The following RABGAP1L variants were observed in gnomAD, a reference collection of about 807,000 sequenced individuals.
RABGAP1L encodes RAB GTPase activating protein 1 like.
A neutral mutation model predicts 137.7 loss-of-function variants in RABGAP1L; 63 were observed. The ratio of observed to expected loss-of-function variants is 0.46; its 90% CI spans 0.37 to 0.56. The LOEUF is 0.56. Ranked by LOEUF, RABGAP1L falls within the 20% of genes least tolerant of loss-of-function variation. The probability of loss-of-function intolerance (pLI) is 0.00; values close to 1 mark genes in which losing one functional copy is unlikely to be tolerated. For synonymous variants in RABGAP1L, 431 were observed against 433.7 expected (o/e 0.99, Z 0.08); for missense variants, 1,095 against 1,244.0 (o/e 0.88, Z 1.80).
At chr1:174,969,459 C>A in intron 21 of RABGAP1L, 72 bp downstream of exon 21, 2 of 1,158,774 alleles carry the variant, frequency 1.7e-6, no homozygotes, top group Non-Finnish European at 2.5e-6. Context: ...ACCGCCCCCA[C>A]AAACTTGCTT....
chr1:174,472,088 C>T (rs570779468), intron 13 of RABGAP1L, among the ~76,000 whole-genome samples: 13 of 152,330 alleles, frequency 8.5e-5, no homozygotes, highest in Middle Eastern at 3.4e-3. Context: ...TGGAATCAGC[C>T]AGCACCTTGA....
intron 12 of RABGAP1L, among the ~76,000 whole-genome samples, chr1:174,376,242 G>A (rs573778398): frequency 2.0e-5 from 3 of 149,084 alleles, no homozygotes; most frequent in Non-Finnish European, 3.0e-5. Context: ...AAAGAAGGAA[G>A]GAAGGAAGGG....
chr1:174,506,940 C>T (rs1661869758), intron 13 of RABGAP1L, among the ~76,000 whole-genome samples: 1 of 151,776 alleles, frequency 6.6e-6, no homozygotes, highest in East Asian at 1.9e-4. Flanking sequence ...GAAACCTCAT[C>T]TCTACAAAAA....
intron 13 of RABGAP1L, among the ~76,000 whole-genome samples, chr1:174,430,032 T>C (rs1003497775): frequency 6.6e-6 from 1 of 152,206 alleles, no homozygotes; most frequent in African/African-American, 2.4e-5. Context: ...TTTAAAATTG[T>C]ATTTCCCAAT....
chr1:174,689,269 A>G (rs913547724), intron 15 of RABGAP1L, among the ~76,000 whole-genome samples: 3 of 151,980 alleles, frequency 2.0e-5, no homozygotes, highest in Admixed American at 2.0e-4. Context: ...AGAACTACCT[A>G]TTACAGATTC....
At chr1:174,808,527 T>A (rs1454678406) in intron 18 of RABGAP1L, among the ~76,000 whole-genome samples, 3 of 152,158 alleles carry the variant, frequency 2.0e-5, no homozygotes, top group South Asian at 4.1e-4. Context: ...TTGAGCATAT[T>A]TGAGCAACAC....
At chr1:174,628,422 A>G (rs180970043) in intron 13 of RABGAP1L, among the ~76,000 whole-genome samples, 1 of 152,338 alleles carries the variant, frequency 6.6e-6, no homozygotes, top group African/African-American at 2.4e-5. Flanking sequence ...TCTTATGGAA[A>G]TGGGAAAAAT....
chr1:174,641,392 A>T (rs1341373492), intron 14 of RABGAP1L, among the ~76,000 whole-genome samples: 1 of 152,134 alleles, frequency 6.6e-6, no homozygotes, highest in Non-Finnish European at 1.5e-5. Context: ...TTCTGTTGTC[A>T]TTAATTTGTA....
chr1:174,532,560 T>A (rs1164930691), intron 13 of RABGAP1L, among the ~76,000 whole-genome samples: 1 of 152,088 alleles, frequency 6.6e-6, no homozygotes, highest in Non-Finnish European at 1.5e-5. Context: ...TTAAACACAT[T>A]CAGGGAAGAT....
intron 18 of RABGAP1L, among the ~76,000 whole-genome samples, chr1:174,790,795 C>CG (rs1230653853): frequency 1.4e-5 from 2 of 141,308 alleles, no homozygotes; most frequent in African/African-American, 5.3e-5. Flanking sequence ...GGGCAGGGGG[C>CG]GGGGGGTATG....
At chr1:174,406,435 G>A (rs1328784790) in intron 13 of RABGAP1L, among the ~76,000 whole-genome samples, 4 of 152,110 alleles carry the variant, frequency 2.6e-5, no homozygotes, top group African/African-American at 4.8e-5. Flanking sequence ...TAGAGTAGGA[G>A]TATACTGTTT....
chr1:174,336,231 C>T (rs1470997759), intron 11 of RABGAP1L, among the ~76,000 whole-genome samples: 1 of 152,122 alleles, frequency 6.6e-6, no homozygotes, highest in African/African-American at 2.4e-5. Flanking sequence ...TCTCATTGAA[C>T]CTCCTGCTTC....
intron 12 of RABGAP1L, among the ~76,000 whole-genome samples, chr1:174,383,254 C>G (rs1317815421): frequency 6.6e-6 from 1 of 151,110 alleles, no homozygotes; most frequent in African/African-American, 2.4e-5. Flanking sequence ...TTTGTCTGTG[C>G]CCTGCCCTCA....
intron 19 of RABGAP1L, among the ~76,000 whole-genome samples, chr1:174,955,801 G>T (rs934639871): frequency 7.9e-5 from 12 of 152,154 alleles, no homozygotes; most frequent in African/African-American, 2.4e-4. Context: ...GGAATCATAG[G>T]CTAGGCACAG....
At chr1:174,423,937 A>G (rs1257538768) in intron 13 of RABGAP1L, among the ~76,000 whole-genome samples, 1 of 152,110 alleles carries the variant, frequency 6.6e-6, no homozygotes, top group Admixed American at 6.5e-5. Context: ...ATATTTTGGG[A>G]TATGTAGGCC....
chr1:174,171,614 C>A (rs1252455041), intron 1 of RABGAP1L, among the ~76,000 whole-genome samples: 4 of 151,706 alleles, frequency 2.6e-5, no homozygotes, highest in African/African-American at 9.7e-5. Context: ...AGTTTGTACC[C>A]TTTGACCTAC....
chr1:174,327,775 T>G (rs1463020393), intron 11 of RABGAP1L, among the ~76,000 whole-genome samples: 1 of 151,318 alleles, frequency 6.6e-6, no homozygotes, highest in East Asian at 1.9e-4. Flanking sequence ...TAAGAACATG[T>G]GTAGACTGAA....
chr1:174,401,510 A>G (rs1477381139), intron 13 of RABGAP1L, among the ~76,000 whole-genome samples: 2 of 152,198 alleles, frequency 1.3e-5, no homozygotes, highest in Non-Finnish European at 2.9e-5. Context: ...AAAGTACTAT[A>G]GGAAATATGG....
chr1:174,577,158 T>TA (rs888259896), intron 13 of RABGAP1L, among the ~76,000 whole-genome samples: 1 of 149,754 alleles, frequency 6.7e-6, no homozygotes, highest in African/African-American at 2.5e-5. Flanking sequence ...ATAGCACCAT[T>TA]ACATTCCAGC....
Sources: gnomAD v4.1 joint callset for allele counts (sites outside exome capture counted in the v4.1 genomes callset) on GRCh38, gnomAD v4.1.1 for gene constraint, MANE v1.5 for transcripts, NCBI Gene and HGNC (gene_info 2026-07-23, HGNC 2026-07-21) for gene names.